Variants in GRM1 observed in about 807,000 individuals in gnomAD.
GRM1 encodes the protein glutamate metabotropic receptor 1.
GRM1 carries 33 observed loss-of-function variants against 90.9 expected under a neutral mutation model. The ratio of observed to expected loss-of-function variants is 0.36; its 90% CI spans 0.28 to 0.49. GRM1 has a LOEUF of 0.49. GRM1 is among the 20% of genes least tolerant of loss of function. The pLI, the probability that GRM1 is intolerant of heterozygous loss-of-function variation, is 0.99. For synonymous variants in GRM1, 700 were observed against 613.2 expected (o/e 1.14, Z -2.09); for missense variants, 1,190 against 1,534.3 (o/e 0.78, Z 3.75).
intron 7 of GRM1, among the ~76,000 whole-genome samples, chr6:146,433,525 A>AGTGTGTGT (rs72224796): frequency 1.0e-4 from 15 of 148,196 alleles, no homozygotes; most frequent in African/African-American, 3.7e-4. Context: ...GTTTTTCAAA[A>AGTGTGTGT]GTGTGTGTGT....
intron 5 of GRM1, among the ~76,000 whole-genome samples, chr6:146,372,008 G>A (rs569501614): frequency 1.3e-5 from 2 of 152,046 alleles, no homozygotes; most frequent in East Asian, 1.9e-4. Context: ...ATGGTAACTC[G>A]ATGTTTAGTT....
intron 6 of GRM1, among the ~76,000 whole-genome samples, chr6:146,391,682 A>G (rs2114547928): frequency 6.6e-6 from 1 of 152,218 alleles, no homozygotes; most frequent in South Asian, 2.1e-4. Flanking sequence ...AATTTAGGAT[A>G]AATTTAAATT....
intron 1 of GRM1, among the ~76,000 whole-genome samples, chr6:146,041,493 T>C (rs1278888250): frequency 2.0e-5 from 3 of 151,962 alleles, no homozygotes; most frequent in Non-Finnish European, 4.4e-5. Flanking sequence ...GGCCCAGGTT[T>C]CCCACAGCTC....
At chr6:146,324,716 G>T (rs983376992) in intron 3 of GRM1, among the ~76,000 whole-genome samples, 17 of 152,024 alleles carry the variant, frequency 1.1e-4, no homozygotes, top group Admixed American at 9.2e-4. Context: ...GTAAGGCAAT[G>T]CCCCACCCTG....
chr6:146,252,047 TC>T (rs1031232257), intron 2 of GRM1, among the ~76,000 whole-genome samples: 1 of 152,206 alleles, frequency 6.6e-6, no homozygotes, highest in African/African-American at 2.4e-5. Context: ...TCCCTCTTTT[TC>T]CTTCTAAGAA....
intron 7 of GRM1, among the ~76,000 whole-genome samples, chr6:146,409,308 G>A (rs569791189): frequency 6.6e-6 from 1 of 152,242 alleles, no homozygotes; most frequent in East Asian, 1.9e-4. Flanking sequence ...TACCCAAAGA[G>A]AATGACTGAA....
At chr6:146,308,144 A>G (rs1783645318) in intron 3 of GRM1, among the ~76,000 whole-genome samples, 1 of 152,188 alleles carries the variant, frequency 6.6e-6, no homozygotes, top group Non-Finnish European at 1.5e-5. Context: ...TTCATTCCTG[A>G]TGAGACTTAT....
intron 1 of GRM1, among the ~76,000 whole-genome samples, chr6:146,079,914 G>T (rs1582972043): frequency 6.6e-6 from 1 of 152,092 alleles, no homozygotes; most frequent in Non-Finnish European, 1.5e-5. Flanking sequence ...AGGTTTAAAA[G>T]ATGCCTGGAT....
intron 3 of GRM1, 139 bp from the exon 4 acceptor site, chr6:146,352,111 G>A: frequency 2.5e-6 from 2 of 786,476 alleles, no homozygotes; most frequent in Non-Finnish European, 2.2e-6. Context: ...TACAAAGCTT[G>A]CACAGGTGGG....
intron 1 of GRM1, among the ~76,000 whole-genome samples, chr6:146,151,492 G>A (rs1356641253): frequency 6.6e-6 from 1 of 151,798 alleles, no homozygotes; most frequent in East Asian, 1.9e-4. Context: ...TTTAGGAGTG[G>A]AAAAAAAATC....
chr6:146,088,360 G>A (rs1166786017), intron 1 of GRM1, among the ~76,000 whole-genome samples: 3 of 151,962 alleles, frequency 2.0e-5, no homozygotes, highest in Non-Finnish European at 2.9e-5. Context: ...CCAGGTATGT[G>A]GTCATGTGCC....
At position 146,270,912 on chromosome 6, in the gene GRM1, T is replaced by TCTTC. The variant is rs35931210; in HGVS notation, c.951-33659_951-33656dup. Among the ~76,000 whole-genome samples the TCTTC allele has an allele frequency of 4.4e-3, 381 of 86,794 alleles. 10 individuals carry two copies. The highest frequency in any genetic ancestry group is 0.01 in the Middle Eastern group (2 of 192). The allele number at this position is 86,794 out of a possible 152,430, so 56.9% of individuals were successfully genotyped here. Reference sequence around the variant, plus strand: ...TTCTTTCTTTCTTTCTTTCTTTCTTTCTTCCTTCCTTCCTTCCTTCCTTCC... The same window carrying TCTTC: ...TTCTTTCTTTCTTTCTTTCTTTCTTTCTTCCTTCCTTCCTTCCTTCCTTCCTTCC... On this transcript the variant is annotated intron_variant, in intron 2 of 7. Transcript: ENST00000282753.
At chr6:146,409,569 T>C (rs1777484730) in intron 7 of GRM1, among the ~76,000 whole-genome samples, 1 of 152,192 alleles carries the variant, frequency 6.6e-6, no homozygotes, top group African/African-American at 2.4e-5. Context: ...TTTTGTTTTG[T>C]TTTGTTTTGC....
chr6:146,426,673 T>G (rs1290504367), intron 7 of GRM1: 1 of 1,083,908 alleles, frequency 9.2e-7, no homozygotes, highest in East Asian at 2.4e-5. Context: ...AAATCTAGTG[T>G]TTTGCCCCTT....
At chr6:146,419,512 C>G (rs1777911840) in intron 7 of GRM1, among the ~76,000 whole-genome samples, 1 of 152,112 alleles carries the variant, frequency 6.6e-6, no homozygotes. Context: ...CAGTTCAGGG[C>G]ACTATATGGA....
At chr6:146,160,490 T>C (rs1291490750) in intron 2 of GRM1, among the ~76,000 whole-genome samples, 1 of 152,226 alleles carries the variant, frequency 6.6e-6, no homozygotes, top group African/African-American at 2.4e-5. Flanking sequence ...CTACTGAGTT[T>C]ACCTGATCTT....
At chr6:146,074,933 C>T (rs1288865824) in intron 1 of GRM1, among the ~76,000 whole-genome samples, 1 of 152,100 alleles carries the variant, frequency 6.6e-6, no homozygotes, top group Non-Finnish European at 1.5e-5. Context: ...CGTTATGCTG[C>T]CAAATAAGAG....
chr6:146,398,950 C>T lies in GRM1; in HGVS notation c.1911C>T (p.Gly637=). ...AGCTCTGCTACATCATCCTAGCTGGCATCTTCCTTGGTTATGTGTGCCCAT... is the reference window on the plus strand; with the variant it reads ...AGCTCTGCTACATCATCCTAGCTGGTATCTTCCTTGGTTATGTGTGCCCAT... ...SRELCYIILA[G]IFLGYVCPFT... The change falls in exon 7 of 8, where the codon GGC becomes GGT. Residue 637 remains glycine, a synonymous_variant. Coordinates refer to ENST00000282753, the MANE Select transcript of GRM1 (RefSeq NM_001278064.2). 1 of 1,614,108 alleles carries T rather than the reference C, an allele frequency of 6.2e-7. No individual in the cohort carries two copies.
At chr6:146,228,325 C>T (rs763708103) in intron 2 of GRM1, among the ~76,000 whole-genome samples, 2 of 152,240 alleles carry the variant, frequency 1.3e-5, no homozygotes, top group African/African-American at 2.4e-5. Flanking sequence ...CTTTGTACTG[C>T]GTTATCCCAT....
Sources: allele counts gnomAD v4.1 joint callset (sites outside exome capture counted in the v4.1 genomes callset), GRCh38; gene constraint gnomAD v4.1.1; transcripts MANE v1.5; gene names NCBI Gene and HGNC (gene_info 2026-07-23, HGNC 2026-07-21).